Variants in DNAH1 observed in about 807,000 individuals in gnomAD.
DNAH1 encodes dynein axonemal heavy chain 1.
In DNAH1, 327 loss-of-function variants were observed where a neutral mutation model predicts 484.3. The observed-to-expected ratio is 0.68, with a 90% CI of 0.62 to 0.74. DNAH1 has a LOEUF of 0.74. DNAH1 is among the 30% of genes least tolerant of loss of function. The probability of loss-of-function intolerance (pLI) is 0.00; values close to 1 mark genes in which losing one functional copy is unlikely to be tolerated. For synonymous variants in DNAH1, 2,192 were observed against 2,191.9 expected, an observed-to-expected ratio of 1.00 and a Z score of 0.00; for missense variants, 5,052 against 5,546.8, an observed-to-expected ratio of 0.91 and a Z score of 2.83.
At position 52,373,020 on chromosome 3, in the gene DNAH1, G is replaced by A. The variant is rs753148220; in HGVS notation, c.6952G>A (p.Asp2318Asn). The change falls in exon 44 of 78, where the codon GAC (aspartate) becomes AAC (asparagine). Residue 2318 changes from aspartate (D) to asparagine (N), a missense_variant. This residue lies in a region of DNAH1 where 2,929 missense variants were observed against 3,409.4 expected (regional missense o/e 0.86). Transcript: ENST00000420323. ...PPIELLRQWMDHGGWYDRKII... is the reference protein window; with the variant it reads ...PPIELLRQWMNHGGWYDRKII... ...CATCGAGCTGTTGCGCCAGTGGATG[G>A]ACCACGGCGGCTGGTACGACCGCAA... 3.1e-6 allele frequency: 5 copies of A among 1,613,278 alleles called. No homozygotes were observed. Among genetic ancestry groups the A allele is most frequent in the Non-Finnish European group, 4.2e-6 (5 of 1,179,812 alleles).
At chr3:52,360,466 C>T (rs2153224331) in intron 28 of DNAH1, 42 bp downstream of exon 28, 2 of 1,531,608 alleles carry the variant, frequency 1.3e-6, no homozygotes, top group East Asian at 4.5e-5. Flanking sequence ...TGAGACCCTC[C>T]CTCTAGTTCT....
In DNAH1 at chr3:52,399,680, A is replaced by G. The variant is rs1704817723; in HGVS notation, c.12577A>G (p.Thr4193Ala). Residue 4193 changes from threonine to alanine, a missense_variant, in exon 77 of 78, where the codon ACA (threonine) becomes GCA (alanine). By Grantham distance (58) the Thr-to-Ala change is moderately conservative. Coordinates refer to ENST00000420323, the MANE Select transcript of DNAH1 (RefSeq NM_015512.5). ...TGAGTCTCAGCCCAAGGAGCTGTAC[A>G]CAGAGATGGCCGTTATCTGGCTCTT... ...LAESQPKELY[T>A]EMAVIWLLPT... 1.9e-6 allele frequency: 3 copies of G among 1,613,910 alleles called. No homozygotes were observed. The highest frequency in any genetic ancestry group is 2.7e-5 in the African/African-American group (2 of 74,938).
intron 1 of DNAH1, among the ~76,000 whole-genome samples, chr3:52,321,466 AT>A (rs1292552398): frequency 1.3e-5 from 2 of 151,638 alleles, no homozygotes; most frequent in Non-Finnish European, 2.9e-5. Context: ...CCCCCTTTTT[AT>A]TTTTTGCACT....
At chr3:52,354,800 C>G (rs1044351745) in intron 20 of DNAH1, 43 bp from the exon 21 acceptor site, 1 of 1,600,660 alleles carries the variant, frequency 6.2e-7, no homozygotes, top group Non-Finnish European at 8.5e-7. Flanking sequence ...AGCATCAGGA[C>G]CAGCCCCTCC....
At chr3:52,312,312 G>T (rs774035038), upstream of DNAH1, among the ~76,000 whole-genome samples, 4 of 152,024 alleles carry the variant, frequency 2.6e-5, no homozygotes, top group Non-Finnish European at 5.9e-5. Context: ...ACAGACGGGG[G>T]TATCTTGGGT....
chr3:52,353,608 C>G lies in DNAH1; in HGVS notation c.3455C>G (p.Ala1152Gly). ...AGCATCAGCAAGGTGGCTGAGGTGG[C>G]TGGCAAGGAGTACGCCATCGAGCAG... ...IESISKVAEV[A>G]GKEYAIEQAL... Residue 1152 changes from alanine to glycine, a missense_variant, in exon 20 of 78, where the codon GCT becomes GGT. Ala to Gly is a moderately conservative substitution (Grantham distance 60, BLOSUM62 0). Coordinates refer to ENST00000420323, the MANE Select transcript of DNAH1 (RefSeq NM_015512.5). This position sits in a 1 kb window ranked among gnomAD's most constrained non-coding sequence, Gnocchi z 5.0. 6.2e-7 allele frequency: 1 copy of G among 1,605,372 alleles called. No individual in the cohort carries two copies. Among genetic ancestry groups the G allele is most frequent in the Non-Finnish European group, 8.5e-7 (1 of 1,176,376 alleles).
At position 52,395,244 on chromosome 3, in the gene DNAH1, C is replaced by T; in HGVS notation, c.10969-64C>T. On this transcript the variant is annotated intron_variant, in intron 68 of 77. Coordinates refer to ENST00000420323, the MANE Select transcript of DNAH1 (RefSeq NM_015512.5). This position sits in a 1 kb window ranked among gnomAD's most constrained non-coding sequence, Gnocchi z 4.4. ...GGACCACTCTGAGAACCCCAGATCCCCCTCCCTTGCCCCGATCTCTCTGCA... is the reference window on the plus strand; with the variant it reads ...GGACCACTCTGAGAACCCCAGATCCTCCTCCCTTGCCCCGATCTCTCTGCA... 6.4e-7 allele frequency: 1 copy of T among 1,562,206 alleles called. No homozygotes were observed. The highest frequency in any genetic ancestry group is 8.7e-7 in the Non-Finnish European group (1 of 1,150,696).
At position 52,362,312 on chromosome 3, in the gene DNAH1, G is replaced by C; in HGVS notation, c.4981-76G>C. The C allele has an allele frequency of 1.6e-6, 2 of 1,269,392 alleles. No individual in the cohort carries two copies. Among genetic ancestry groups the C allele is most frequent in the Non-Finnish European group, 2.2e-6 (2 of 889,010 alleles). 78.6% of individuals were successfully genotyped at this position (1,269,392 alleles called of 1,614,324 possible). A position where few individuals can be genotyped will look rare whatever the true frequency, so the allele number is the denominator to read the frequency against. On this transcript the variant is annotated intron_variant, in intron 30 of 77. Transcript: ENST00000420323. This position sits in a 1 kb window ranked among gnomAD's most constrained non-coding sequence, Gnocchi z 5.1. ...AGCCAGGACAGGGGCATCAACAGGG[G>C]ACAAGGGGCCCACTCAGAGGAGGGG... is the stretch of plus-strand genomic sequence containing the variant.
rs1559543264 is a variant in DNAH1 at position 52,372,093 on chromosome 3, A to C, written c.6666+7A>C. On this transcript the variant is annotated splice_region_variant and intron_variant, in intron 42 of 77. Transcript: ENST00000420323. ...GCTCACCAACAAGAAGCCCGTGAGC[A>C]CCCCCCCAGGCCCTGCCTCCACTGT... The C allele has an allele frequency of 1.2e-6, 2 of 1,611,858 alleles. No homozygotes were observed.
chr3:52,338,255 C>A (rs1401830029), intron 8 of DNAH1, among the ~76,000 whole-genome samples: 1 of 152,058 alleles, frequency 6.6e-6, no homozygotes, highest in Non-Finnish European at 1.5e-5. Context: ...ATTACAGGCG[C>A]CTACCACCAT....
Position 52,395,238 on chromosome 3 carries a change from A to G in DNAH1, c.10969-70A>G, listed in dbSNP as rs1033357792. 4 of 1,548,438 alleles carry G rather than the reference A, an allele frequency of 2.6e-6. No homozygotes were observed. Among genetic ancestry groups the G allele is most frequent in the African/African-American group, 2.7e-5 (2 of 73,294 alleles). ...CACTGGGGACCACTCTGAGAACCCC[A>G]GATCCCCCTCCCTTGCCCCGATCTC... On this transcript the variant is annotated intron_variant, in intron 68 of 77. Coordinates refer to ENST00000420323, the MANE Select transcript of DNAH1 (RefSeq NM_015512.5). This position sits in a 1 kb window ranked among gnomAD's most constrained non-coding sequence, Gnocchi z 4.4.
intron 49 of DNAH1, 86 bp from the exon 50 acceptor site, chr3:52,382,234 G>A: frequency 3.7e-6 from 6 of 1,601,078 alleles, no homozygotes; most frequent in Non-Finnish European, 5.1e-6. Flanking sequence ...AATTCCAGGT[G>A]GTCAGGGTAG....
rs1161171381 is a variant in DNAH1 at position 52,345,647 on chromosome 3, C to A, written c.1597C>A (p.Leu533Ile). 2 of 1,612,728 alleles carry A rather than the reference C, an allele frequency of 1.2e-6. No individual in the cohort carries two copies. The highest frequency in any genetic ancestry group is 1.3e-5 in the African/African-American group (1 of 74,916). The change falls in exon 10 of 78, where the codon CTC becomes ATC. Residue 533 changes from leucine (L) to isoleucine (I), a missense_variant. Leu to Ile is a conservative substitution (Grantham distance 5). This residue lies in a region of DNAH1 where 1,263 missense variants were observed against 1,218.8 expected (regional missense o/e 1.04). Coordinates refer to ENST00000420323, the MANE Select transcript of DNAH1 (RefSeq NM_015512.5). ...CGCCATGTCCCTGTTCCACTCGAGC[C>A]TCTCCAAGTACAGCCACCTGGAGGA... ...VTAMSLFHSSLSKYSHLEEFE... is the reference protein window; with the variant it reads ...VTAMSLFHSSISKYSHLEEFE...
rs756114557 is a variant in DNAH1 at position 52,400,343 on chromosome 3, G to A, written c.12695G>A (p.Gly4232Glu). Residue 4232 changes from glycine to glutamate, a missense_variant, in exon 78 of 78, where the codon GGA (glycine) becomes GAA (glutamate). Transcript: ENST00000420323. ...LTRAGTLSTT[G>E]HSTNYVIAVE... ...ATTCCAGGAACACTATCAACCACAG[G>A]ACACTCTACCAACTATGTCATTGCT... 5.6e-6 allele frequency: 9 copies of A among 1,613,806 alleles called. No homozygotes were observed. In the African/African-American group the frequency reaches 6.7e-5, roughly 12 times the overall value.
intron 37 of DNAH1, among the ~76,000 whole-genome samples, 152 bp from the exon 38 acceptor site, chr3:52,369,673 G>A (rs949278235): frequency 7.2e-5 from 11 of 152,198 alleles, no homozygotes; most frequent in East Asian, 3.9e-4. Context: ...AGGACCCAGC[G>A]GTTCCTGTCC....
Position 52,332,274 on chromosome 3 carries a change from T to C in DNAH1, c.1166T>C (p.Leu389Pro), listed in dbSNP as rs1267548836. Reference sequence around the variant, plus strand: ...CTGCGCAAGAACACGGAAGCACTGCTGCTCTACAACTTGTATGTGGACTGC... The same window carrying C: ...CTGCGCAAGAACACGGAAGCACTGCCGCTCTACAACTTGTATGTGGACTGC... ...NALRKNTEAL[L>P]LYNLYVDCMP... Residue 389 changes from leucine to proline, a missense_variant, in exon 8 of 78, where the codon CTG becomes CCG. Coordinates refer to ENST00000420323, the MANE Select transcript of DNAH1 (RefSeq NM_015512.5). The C allele has an allele frequency of 1.9e-6, 3 of 1,614,100 alleles. No individual in the cohort carries two copies. The highest frequency in any genetic ancestry group is 2.5e-6 in the Non-Finnish European group (3 of 1,179,908).
Position 52,395,128 on chromosome 3 carries a change from C to T in DNAH1, c.10968+69C>T. 6.5e-7 allele frequency: 1 copy of T among 1,548,130 alleles called. No individual in the cohort carries two copies. Among genetic ancestry groups the T allele is most frequent in the African/African-American group, 1.4e-5 (1 of 73,542 alleles). ...CCCACCCTGGGTCCCAGGGCCCTGG[C>T]TGCATCTGGATAGACTACTTGGCCA... is the stretch of plus-strand genomic sequence containing the variant. On this transcript the variant is annotated intron_variant, in intron 68 of 77. Coordinates refer to ENST00000420323, the MANE Select transcript of DNAH1 (RefSeq NM_015512.5). The surrounding 1 kb of genome is among the most constrained non-coding windows in gnomAD (Gnocchi z 4.4).
At position 52,345,738 on chromosome 3, in the gene DNAH1, C is replaced by T. The variant is rs114101324; in HGVS notation, c.1656+32C>T. The T allele has an allele frequency of 9.3e-3, 14,805 of 1,591,860 alleles. 91 individuals carry two copies. Among genetic ancestry groups the T allele is most frequent in the Non-Finnish European group, 0.012 (13,484 of 1,167,786 alleles). ...GGGCATCAAGGGCACAGGGGGCAAACGCAGGGCAGACCCTTGGAACTGGCA... is the reference window on the plus strand; with the variant it reads ...GGGCATCAAGGGCACAGGGGGCAAATGCAGGGCAGACCCTTGGAACTGGCA... On this transcript the variant is annotated intron_variant, in intron 10 of 77. Coordinates refer to ENST00000420323, the MANE Select transcript of DNAH1 (RefSeq NM_015512.5).
Position 52,379,856 on chromosome 3 carries a change from CTG to C in DNAH1, c.7378-48_7378-47del. On this transcript the variant is annotated intron_variant, in intron 47 of 77. Coordinates refer to ENST00000420323, the MANE Select transcript of DNAH1 (RefSeq NM_015512.5). This position sits in a 1 kb window ranked among gnomAD's most constrained non-coding sequence, Gnocchi z 4.4. ...CCTTGCCTGGTGGTTTGAGAGATAG[CTG>C]AGGGCTTGGGGGCCAAGGACAGGCA... 1 of 1,503,510 alleles carries C rather than the reference CTG, an allele frequency of 6.7e-7. No homozygotes were observed. The allele number at this position is 1,503,510 out of a possible 1,614,324, so 93.1% of individuals were successfully genotyped here. A position where few individuals can be genotyped will look rare whatever the true frequency, so the allele number is the denominator to read the frequency against.
Sources: gnomAD v4.1 joint callset for allele counts (sites outside exome capture counted in the v4.1 genomes callset) on GRCh38, gnomAD v4.1.1 for gene constraint, gnomAD v4.1.1 regional missense constraint, Gnocchi (gnomAD v3.1) non-coding constraint, MANE v1.5 for transcripts, NCBI Gene and HGNC (gene_info 2026-07-23, HGNC 2026-07-21) for gene names.